Variants in ANKRD11 observed in about 807,000 individuals in gnomAD.
The protein encoded by ANKRD11 is ankyrin repeat domain 11, also known as ankyrin repeat domain-containing protein 11.
In ANKRD11, 17 loss-of-function variants were observed where a neutral mutation model predicts 195.7. The observed-to-expected ratio is 0.09, with a 90% CI of 0.06 to 0.13. The LOEUF (loss-of-function observed/expected upper bound fraction) is 0.13, where lower values mean the gene tolerates loss of function less well. ANKRD11 is among the 10% of genes least tolerant of loss of function. The probability of loss-of-function intolerance (pLI) is 1.00; values close to 1 mark genes in which losing one functional copy is unlikely to be tolerated. For synonymous variants in ANKRD11, 1,953 were observed against 1,528.1 expected (o/e 1.28, Z -6.49); for missense variants, 3,735 against 3,566.1 (o/e 1.05, Z -1.21).
chr16:89,334,496 G>A (rs764516381), intron 2 of ANKRD11, among the ~76,000 whole-genome samples: 1 of 152,076 alleles, frequency 6.6e-6, no homozygotes, highest in Non-Finnish European at 1.5e-5. Flanking sequence ...GTCCCACCAC[G>A]TCCAACTCCA....
chr16:89,380,950 G>C (rs533239918), intron 2 of ANKRD11, among the ~76,000 whole-genome samples: 146 of 152,310 alleles, frequency 9.6e-4, no homozygotes, highest in African/African-American at 3.0e-3. Flanking sequence ...TCCCAGTGTG[G>C]GCCCACTCTG....
At chr16:89,348,106 A>G (rs1044336641) in intron 2 of ANKRD11, among the ~76,000 whole-genome samples, 13 of 151,656 alleles carry the variant, frequency 8.6e-5, no homozygotes, top group African/African-American at 3.2e-4. Context: ...TCATTTTTGT[A>G]TTTTTTGTAC....
intron 2 of ANKRD11, among the ~76,000 whole-genome samples, chr16:89,329,366 C>T (rs532718805): frequency 2.4e-4 from 36 of 152,068 alleles, no homozygotes; most frequent in Non-Finnish European, 4.3e-4. Context: ...TTTGCAACTT[C>T]CTGTGAGTCT....
chr16:89,390,745 GA>G (rs2041154669), intron 2 of ANKRD11, among the ~76,000 whole-genome samples: 1 of 152,298 alleles, frequency 6.6e-6, no homozygotes, highest in South Asian at 2.1e-4. Context: ...AAACACCTGT[GA>G]AAATCTTTCA....
chr16:89,468,861 G>A (rs541053624), intron 1 of ANKRD11, among the ~76,000 whole-genome samples: 86 of 152,298 alleles, frequency 5.6e-4, no homozygotes, highest in Non-Finnish European at 9.0e-4. Context: ...CAGGAAGAAT[G>A]ATACACTGTC....
Position 89,428,323 on chromosome 16 carries a change from A to G in ANKRD11, c.-144-9955T>C, listed in dbSNP as rs866711259. On this transcript the variant is annotated intron_variant, in intron 1 of 12. Coordinates refer to ENST00000301030, the MANE Select transcript of ANKRD11 (RefSeq NM_013275.6). ...GGCAGATCAGAAGGTCAGGAGATCG[A>G]GACCATCCTGGCCAACACGGTGAAA... Among the ~76,000 whole-genome samples the G allele has an allele frequency of 6.6e-5, 10 of 152,184 alleles. 1 individual carries two copies. In the South Asian group the frequency reaches 2.1e-3, roughly 32 times the overall value.
intron 3 of ANKRD11, among the ~76,000 whole-genome samples, chr16:89,308,647 G>C (rs1485191176): frequency 6.6e-6 from 1 of 152,206 alleles, no homozygotes; most frequent in Non-Finnish European, 1.5e-5. Context: ...AGAGCTGCAG[G>C]TGCGTTTCCC....
rs367564163 is a variant in ANKRD11 at position 89,279,900 on chromosome 16, G to T, written c.6642C>A (p.Asp2214Glu). The T allele has an allele frequency of 6.2e-7, 1 of 1,607,508 alleles. No homozygotes were observed. Among genetic ancestry groups the T allele is most frequent in the Non-Finnish European group, 8.5e-7 (1 of 1,178,612 alleles). Residue 2214 changes from aspartate (D) to glutamate (E), a missense_variant, in exon 9 of 13, where the codon GAC becomes GAA. Coordinates refer to ENST00000301030, the MANE Select transcript of ANKRD11 (RefSeq NM_013275.6). This position sits in a 1 kb window ranked among gnomAD's most constrained non-coding sequence, Gnocchi z 5.6. ...CCTCCACCGCAGCTTCTAGAGCCAC[G>T]TCCAGCTTTGGCTCCCCTGAGGGCT... is the stretch of plus-strand genomic sequence containing the variant. ...EPEPSGEPKLDVALEAAVEAE... is the reference protein window; with the variant it reads ...EPEPSGEPKLEVALEAAVEAE...
rs1208603693 is a variant in ANKRD11 at position 89,490,370 on chromosome 16, C to A, written c.-270G>T. On this transcript the variant is annotated 5_prime_UTR_variant, in exon 1 of 13. Coordinates refer to ENST00000301030, the MANE Select transcript of ANKRD11 (RefSeq NM_013275.6). The stretch of plus-strand genomic sequence containing the variant: ...CGGCAAGGCGGCGGCGGCGGCGGCG[C>A]GGGCTCGGGCCCGGCAGAGCTGCGA... 3.1e-5 allele frequency: 5 copies of A among 161,896 alleles called. No homozygotes were observed. Among genetic ancestry groups the A allele is most frequent in the Non-Finnish European group, 6.6e-5 (5 of 75,794 alleles). 10.0% of individuals were successfully genotyped at this position (161,896 alleles called of 1,614,324 possible). A position where few individuals can be genotyped will look rare whatever the true frequency, so the allele number is the denominator to read the frequency against.
intron 9 of ANKRD11, 35 bp from the exon 10 acceptor site, chr16:89,275,226 G>A (rs1183244740): frequency 1.3e-6 from 2 of 1,559,698 alleles, no homozygotes; most frequent in Non-Finnish European, 1.7e-6. Flanking sequence ...GGGTCAGCTG[G>A]GGCTGTGGAA....
At chr16:89,293,064 C>T (rs979325397) in intron 4 of ANKRD11, among the ~76,000 whole-genome samples, 4 of 152,162 alleles carry the variant, frequency 2.6e-5, no homozygotes, top group African/African-American at 2.4e-5. Flanking sequence ...CCACACTCAC[C>T]GAGCAGCTGG....
chr16:89,287,193 G>C (rs2034707615), intron 7 of ANKRD11: 3 of 1,021,738 alleles, frequency 2.9e-6, no homozygotes. Flanking sequence ...CACACTCCTC[G>C]GCCCTCCTCT....
intron 2 of ANKRD11, among the ~76,000 whole-genome samples, chr16:89,344,270 T>C (rs558376856): frequency 3.3e-5 from 5 of 152,178 alleles, no homozygotes; most frequent in Admixed American, 6.5e-5. Context: ...GTTATTTTAT[T>C]TGGAGCCTCT....
intron 1 of ANKRD11, among the ~76,000 whole-genome samples, chr16:89,451,707 G>A (rs1190704349): frequency 2.0e-5 from 3 of 151,906 alleles, no homozygotes; most frequent in South Asian, 2.1e-4. Context: ...TAGAGCCACC[G>A]CACCTGGCCC....
intron 1 of ANKRD11, among the ~76,000 whole-genome samples, chr16:89,449,199 A>G (rs886864139): frequency 4.1e-4 from 62 of 151,992 alleles, no homozygotes; most frequent in South Asian, 3.9e-3. Context: ...AAAAAAAAAA[A>G]AAAAAGAAAA....
intron 2 of ANKRD11, among the ~76,000 whole-genome samples, chr16:89,395,186 G>A (rs1400152408): frequency 6.6e-6 from 1 of 152,222 alleles, no homozygotes; most frequent in Non-Finnish European, 1.5e-5. Flanking sequence ...AAAAGTTAGA[G>A]GCTTGGTCAA....
chr16:89,294,856 A>C (rs943473018), intron 4 of ANKRD11, among the ~76,000 whole-genome samples: 16 of 152,268 alleles, frequency 1.1e-4, no homozygotes, highest in Non-Finnish European at 1.9e-4. Context: ...AGAGGCTGCA[A>C]AACCTGCTCC....
chr16:89,298,025 G>C (rs1161102821), intron 4 of ANKRD11: 1 of 152,146 alleles, frequency 6.6e-6, no homozygotes, highest in African/African-American at 2.4e-5. Context: ...TCCAGGCCGG[G>C]GTGGGGTAGG....
chr16:89,450,871 G>T (rs1339197276), intron 1 of ANKRD11, among the ~76,000 whole-genome samples: 1 of 152,120 alleles, frequency 6.6e-6, no homozygotes, highest in Non-Finnish European at 1.5e-5. Context: ...CATCAGCCAT[G>T]AAAATGACTA....
Sources: gnomAD v4.1 joint callset for allele counts (sites outside exome capture counted in the v4.1 genomes callset) on GRCh38, gnomAD v4.1.1 for gene constraint, Gnocchi (gnomAD v3.1) non-coding constraint, MANE v1.5 for transcripts, NCBI Gene and HGNC (gene_info 2026-07-23, HGNC 2026-07-21) for gene names.